Variants in C3orf70 observed in about 807,000 individuals in gnomAD.
C3orf70 encodes the protein chromosome 3 open reading frame 70.
C3orf70 carries 15 observed loss-of-function variants against 20.7 expected under a neutral mutation model. The observed-to-expected ratio is 0.72, with a 90% CI of 0.48 to 1.11. C3orf70 has a LOEUF of 1.11. C3orf70 is among the 50% of genes most tolerant of loss of function. C3orf70 has a pLI of 0.00. For synonymous variants in C3orf70, 161 were observed against 125.7 expected (o/e 1.28, Z -1.88); for missense variants, 332 against 317.6 (o/e 1.05, Z -0.34).
chr3:185,093,951 T>TC (rs988067110), intron 1 of C3orf70, among the ~76,000 whole-genome samples: 4 of 152,156 alleles, frequency 2.6e-5, no homozygotes, highest in African/African-American at 9.6e-5. Flanking sequence ...GATACTCAAG[T>TC]CTCATATAAA....
chr3:185,110,121 T>A (rs892249227), intron 1 of C3orf70, among the ~76,000 whole-genome samples: 2 of 152,246 alleles, frequency 1.3e-5, no homozygotes, highest in Non-Finnish European at 2.9e-5. Flanking sequence ...CAACCTCATA[T>A]GATATGGCCC....
chr3:185,122,992 C>CT (rs1310897047), intron 1 of C3orf70, among the ~76,000 whole-genome samples: 1 of 145,694 alleles, frequency 6.9e-6, no homozygotes, highest in Non-Finnish European at 1.5e-5. Context: ...CTCATCTCTA[C>CT]TAAAAAAAAA....
At chr3:185,119,826 C>A (rs1236159205) in intron 1 of C3orf70, among the ~76,000 whole-genome samples, 5 of 151,684 alleles carry the variant, frequency 3.3e-5, no homozygotes, top group Admixed American at 6.6e-5. Context: ...GAGATCGAGA[C>A]CATCCTGGCC....
intron 1 of C3orf70, among the ~76,000 whole-genome samples, chr3:185,128,725 C>G (rs73190989): frequency 2.0e-5 from 3 of 152,204 alleles, no homozygotes; most frequent in Non-Finnish European, 4.4e-5. Flanking sequence ...TAAACAGATG[C>G]CTGATTGAAG....
chr3:185,128,817 A>G (rs1443841839), intron 1 of C3orf70, among the ~76,000 whole-genome samples: 1 of 152,198 alleles, frequency 6.6e-6, no homozygotes, highest in African/African-American at 2.4e-5. Context: ...CTGTCTTCGC[A>G]TAATTTGAAA....
intron 1 of C3orf70, among the ~76,000 whole-genome samples, chr3:185,132,560 G>T (rs767347944): frequency 6.6e-6 from 1 of 152,010 alleles, no homozygotes; most frequent in Admixed American, 6.6e-5. Flanking sequence ...TCTCCAGAAG[G>T]CAGTATAGAG....
chr3:185,099,947 G>T (rs2108592095), intron 1 of C3orf70, among the ~76,000 whole-genome samples: 1 of 152,136 alleles, frequency 6.6e-6, no homozygotes, highest in African/African-American at 2.4e-5. Flanking sequence ...AACCAACACA[G>T]ATTTTTAAAA....
At chr3:185,100,276 A>G (rs1241987225) in intron 1 of C3orf70, among the ~76,000 whole-genome samples, 1 of 152,210 alleles carries the variant, frequency 6.6e-6, no homozygotes, top group Non-Finnish European at 1.5e-5. Context: ...ACATACTCTA[A>G]AATCAATCAC....
chr3:185,095,079 C>T (rs1198378910), intron 1 of C3orf70, among the ~76,000 whole-genome samples: 1 of 152,184 alleles, frequency 6.6e-6, no homozygotes, highest in Non-Finnish European at 1.5e-5. Context: ...GGTACCACTG[C>T]TTTTCAAATC....
intron 1 of C3orf70, among the ~76,000 whole-genome samples, chr3:185,104,903 A>T (rs190203113): frequency 3.9e-5 from 6 of 152,324 alleles, no homozygotes; most frequent in African/African-American, 1.4e-4. Flanking sequence ...TAATTGGTAC[A>T]ACGAACTCCT....
chr3:185,097,073 A>G (rs941094177), intron 1 of C3orf70, among the ~76,000 whole-genome samples: 9 of 152,096 alleles, frequency 5.9e-5, no homozygotes, highest in African/African-American at 2.2e-4. Flanking sequence ...TCTATATTAA[A>G]CTTCCTCCCC....
intron 1 of C3orf70, among the ~76,000 whole-genome samples, chr3:185,095,545 A>G (rs1715682581): frequency 6.6e-6 from 1 of 152,216 alleles, no homozygotes; most frequent in Admixed American, 6.5e-5. Context: ...AAGGGTGCTA[A>G]CAAGTCAGCC....
At chr3:185,094,659 TAA>T (rs772826039) in intron 1 of C3orf70, among the ~76,000 whole-genome samples, 4 of 144,196 alleles carry the variant, frequency 2.8e-5, no homozygotes, top group Non-Finnish European at 6.1e-5. Context: ...TCTGGTAGAT[TAA>T]AAAAAAAAAA....
intron 1 of C3orf70, among the ~76,000 whole-genome samples, chr3:185,130,505 A>G (rs1404303842): frequency 1.3e-5 from 2 of 152,168 alleles, no homozygotes; most frequent in Non-Finnish European, 2.9e-5. Flanking sequence ...AAAAGTATAT[A>G]CTCAGTGGGT....
At chr3:185,096,480 GA>G (rs922642519) in intron 1 of C3orf70, among the ~76,000 whole-genome samples, 15 of 152,250 alleles carry the variant, frequency 9.9e-5, no homozygotes, top group Admixed American at 3.9e-4. Flanking sequence ...ATAAGACTAT[GA>G]ATGTGCTAGC....
chr3:185,091,900 C>CACACAT (rs1295143409), intron 1 of C3orf70, among the ~76,000 whole-genome samples: 1 of 18,642 alleles, frequency 5.4e-5, no homozygotes, highest in South Asian at 2.0e-3. Flanking sequence ...CACACATACA[C>CACACAT]ACACACACAT....
chr3:185,135,690 T>C (rs1289772999), intron 1 of C3orf70, among the ~76,000 whole-genome samples: 1 of 152,192 alleles, frequency 6.6e-6, no homozygotes, highest in Non-Finnish European at 1.5e-5. Context: ...CTCAAAGTGA[T>C]GAATACCCAA....
intron 1 of C3orf70, among the ~76,000 whole-genome samples, chr3:185,135,042 T>C (rs1250031045): frequency 1.3e-5 from 2 of 152,150 alleles, no homozygotes; most frequent in African/African-American, 4.8e-5. Flanking sequence ...AACAGAAGGA[T>C]CTTATTTAAT....
In C3orf70 at chr3:185,132,164, C is replaced by T. The variant is rs760147866; in HGVS notation, c.196+20464G>A. 6.6e-5 allele frequency among the ~76,000 whole-genome samples: 10 copies of T among 152,096 alleles called. No individual in the cohort carries two copies. The East Asian group carries it at 7.7e-4, about 12-fold the overall frequency. Reference sequence around the variant, plus strand: ...AGGAATTCCATGGGATAACATTCCACGGGATAAACTGGAGCTCACAGTTAA... The same window carrying T: ...AGGAATTCCATGGGATAACATTCCATGGGATAAACTGGAGCTCACAGTTAA... On this transcript the variant is annotated intron_variant, in intron 1 of 1. Coordinates refer to ENST00000335012, the MANE Select transcript of C3orf70 (RefSeq NM_001025266.3).
Sources: allele counts gnomAD v4.1 joint callset (sites outside exome capture counted in the v4.1 genomes callset), GRCh38; gene constraint gnomAD v4.1.1; transcripts MANE v1.5; gene names NCBI Gene and HGNC (gene_info 2026-07-23, HGNC 2026-07-21).